HTR2C: variants seen among roughly 807,000 people sequenced by gnomAD.
The protein encoded by HTR2C is 5-hydroxytryptamine receptor 2C.
In HTR2C, 5 loss-of-function variants were observed where a neutral mutation model predicts 21.0. That is an observed-to-expected ratio of 0.24 (90% CI 0.12 to 0.50). The LOEUF is 0.50. Ranked by LOEUF, HTR2C falls within the 20% of genes least tolerant of loss-of-function variation. HTR2C has a pLI of 0.98. For synonymous variants in HTR2C, 150 were observed against 145.3 expected, an observed-to-expected ratio of 1.03 and a Z score of -0.23; for missense variants, 271 against 371.2, an observed-to-expected ratio of 0.73 and a Z score of 2.22.
intron 1 of HTR2C, among the ~76,000 whole-genome samples, chrX:114,596,741 A>G (rs1927863765): frequency 8.9e-6 from 1 of 112,114 alleles, no homozygotes. Flanking sequence ...AAATATATCT[A>G]GATACCTTAT....
chrX:114,735,176 G>T (rs996255929), intron 4 of HTR2C, among the ~76,000 whole-genome samples: 42 of 110,418 alleles, frequency 3.8e-4, no homozygotes, highest in African/African-American at 1.2e-3. Flanking sequence ...AATTATCTGG[G>T]TATGGTGCTG....
chrX:114,649,021 T>G (rs1556408046), intron 2 of HTR2C, among the ~76,000 whole-genome samples: 1 of 111,840 alleles, frequency 8.9e-6, no homozygotes, highest in African/African-American at 3.2e-5. Context: ...GTACGCTACA[T>G]ACGGATACTT....
At chrX:114,900,546 T>G (rs1042417604) in intron 5 of HTR2C, 1 of 112,869 alleles carries the variant, frequency 8.9e-6, no homozygotes, top group Admixed American at 9.5e-5. Flanking sequence ...TGAATGACAA[T>G]GACTGCAGCA....
intron 4 of HTR2C, among the ~76,000 whole-genome samples, chrX:114,829,835 A>G (rs1402593014): frequency 2.7e-5 from 3 of 111,621 alleles, no homozygotes; most frequent in African/African-American, 9.8e-5. Flanking sequence ...CTATTAATCT[A>G]TGTCTATCCT....
chrX:114,679,576 G>C (rs1335441503), intron 2 of HTR2C, among the ~76,000 whole-genome samples: 1 of 111,541 alleles, frequency 9.0e-6, no homozygotes, highest in Non-Finnish European at 1.9e-5. Flanking sequence ...ACTGCACCTT[G>C]CCCAGTGTGA....
intron 2 of HTR2C, among the ~76,000 whole-genome samples, chrX:114,617,041 G>T (rs1450437722): frequency 1.8e-5 from 2 of 112,115 alleles, no homozygotes; most frequent in Non-Finnish European, 3.8e-5. Context: ...ATAAATAAAT[G>T]CAAGTTCAAT....
intron 4 of HTR2C, among the ~76,000 whole-genome samples, chrX:114,759,966 C>A (rs1424062948): frequency 2.7e-5 from 3 of 111,717 alleles, no homozygotes; most frequent in African/African-American, 9.8e-5. Context: ...ACAGACATGC[C>A]TTCAAGGAGT....
intron 2 of HTR2C, among the ~76,000 whole-genome samples, chrX:114,628,405 A>ATTTTTTTT (rs35975864): frequency 4.3e-4 from 19 of 43,892 alleles, no homozygotes; most frequent in Non-Finnish European, 4.8e-4. Context: ...TGCCAGGCTA[A>ATTTTTTTT]TTTTTTTTTT....
intron 2 of HTR2C, among the ~76,000 whole-genome samples, chrX:114,720,209 A>T (rs1477564676): frequency 1.8e-5 from 2 of 110,941 alleles, no homozygotes; most frequent in Non-Finnish European, 3.8e-5. Context: ...TCTCACACAG[A>T]ATATTTTGAG....
At chrX:114,637,823 T>G (rs1279115243) in intron 2 of HTR2C, among the ~76,000 whole-genome samples, 1 of 111,153 alleles carries the variant, frequency 9.0e-6, no homozygotes, top group Non-Finnish European at 1.9e-5. Flanking sequence ...CAAGGCAAAC[T>G]GGGTTTTAAA....
chrX:114,784,567 C>T (rs2070154725), intron 4 of HTR2C, among the ~76,000 whole-genome samples: 1 of 109,028 alleles, frequency 9.2e-6, no homozygotes, highest in Non-Finnish European at 1.9e-5. Context: ...AGATGCATTA[C>T]TTCAGTCTCT....
intron 2 of HTR2C, among the ~76,000 whole-genome samples, chrX:114,688,152 C>T (rs1312369040): frequency 9.1e-6 from 1 of 109,391 alleles, no homozygotes; most frequent in Non-Finnish European, 1.9e-5. Context: ...GAAACCCTGT[C>T]TCTACTAAAA....
chrX:114,638,172 C>A (rs1478897641), intron 2 of HTR2C, among the ~76,000 whole-genome samples: 3 of 111,873 alleles, frequency 2.7e-5, no homozygotes, highest in Admixed American at 9.5e-5. Flanking sequence ...AGTTTCCTCT[C>A]AGATGAGCTA....
At chrX:114,903,749 A>G (rs2071353262) in intron 5 of HTR2C, among the ~76,000 whole-genome samples, 1 of 112,318 alleles carries the variant, frequency 8.9e-6, no homozygotes, top group Non-Finnish European at 1.9e-5. Context: ...GAAACGTCCA[A>G]GTGTGTCTAT....
intron 4 of HTR2C, among the ~76,000 whole-genome samples, chrX:114,774,581 T>A (rs1449526617): frequency 1.8e-5 from 2 of 111,971 alleles, no homozygotes; most frequent in African/African-American, 3.2e-5. Flanking sequence ...TGTTAAACTA[T>A]ATATTTTTGT....
At chrX:114,593,349 G>A (rs1927707163) in intron 1 of HTR2C, among the ~76,000 whole-genome samples, 1 of 111,501 alleles carries the variant, frequency 9.0e-6, no homozygotes, top group African/African-American at 3.3e-5. Context: ...TACTGCCTCA[G>A]CCTCCTGATT....
intron 4 of HTR2C, among the ~76,000 whole-genome samples, chrX:114,826,722 G>A (rs1465595005): frequency 2.7e-5 from 3 of 110,864 alleles, no homozygotes; most frequent in African/African-American, 9.8e-5. Context: ...GCATATAATT[G>A]TGTCTTGTTT....
intron 2 of HTR2C, among the ~76,000 whole-genome samples, chrX:114,656,003 C>T (rs987657307): frequency 1.8e-4 from 20 of 111,038 alleles, no homozygotes; most frequent in African/African-American, 6.5e-4. Flanking sequence ...CTTATTGTTT[C>T]ATCCACTGGA....
At chrX:114,664,883 G>C (rs1353893947) in intron 2 of HTR2C, among the ~76,000 whole-genome samples, 1 of 111,820 alleles carries the variant, frequency 8.9e-6, no homozygotes, top group Admixed American at 9.5e-5. Context: ...GTAACTTAAG[G>C]TGGAATTTTC....
Sources: gnomAD v4.1 joint callset for allele counts (sites outside exome capture counted in the v4.1 genomes callset) on GRCh38, gnomAD v4.1.1 for gene constraint, MANE v1.5 for transcripts, NCBI Gene and HGNC (gene_info 2026-07-23, HGNC 2026-07-21) for gene names.